PDE1C: variants seen among roughly 807,000 people sequenced by gnomAD.
PDE1C encodes the protein phosphodiesterase 1C, also known as dual specificity calcium/calmodulin-dependent 3',5'-cyclic nucleotide phosphodiesterase 1C.
A neutral mutation model predicts 93.1 loss-of-function variants in PDE1C; 62 were observed. The ratio of observed to expected loss-of-function variants is 0.67; its 90% CI spans 0.54 to 0.82. The LOEUF (loss-of-function observed/expected upper bound fraction) is 0.82. Among genes scored for constraint, PDE1C ranks in the 40% least tolerant of loss-of-function variants. The pLI is 0.00. For missense variants in PDE1C, 742 were observed against 884.6 expected, an observed-to-expected ratio of 0.84 and a Z score of 2.04; for synonymous variants, 325 against 310.1, an observed-to-expected ratio of 1.05 and a Z score of -0.50.
At chr7:32,262,282 G>A (rs935147865) in intron 1 of PDE1C, among the ~76,000 whole-genome samples, 26 of 151,990 alleles carry the variant, frequency 1.7e-4, no homozygotes, top group African/African-American at 6.3e-4. Flanking sequence ...TAAGTCTGTG[G>A]CCCCCTCCTA....
At chr7:31,799,374 A>G (rs1278713858) in intron 16 of PDE1C, among the ~76,000 whole-genome samples, 1 of 151,692 alleles carries the variant, frequency 6.6e-6, no homozygotes, top group Non-Finnish European at 1.5e-5. Flanking sequence ...ATTTTTCAAA[A>G]TATGAACATG....
intron 2 of PDE1C, among the ~76,000 whole-genome samples, chr7:31,889,933 C>A (rs966103536): frequency 1.3e-5 from 2 of 152,264 alleles, no homozygotes; most frequent in Middle Eastern, 3.4e-3. Flanking sequence ...ACCAGTTTAT[C>A]CCCTGTTTTT....
intron 2 of PDE1C, among the ~76,000 whole-genome samples, chr7:31,965,162 G>A (rs990665511): frequency 2.6e-5 from 4 of 152,108 alleles, no homozygotes; most frequent in African/African-American, 9.7e-5. Flanking sequence ...ACTACTCCGA[G>A]CTAAAGGAGG....
At chr7:31,941,853 T>A (rs1805897596) in intron 2 of PDE1C, among the ~76,000 whole-genome samples, 1 of 152,204 alleles carries the variant, frequency 6.6e-6, no homozygotes, top group Non-Finnish European at 1.5e-5. Context: ...CCTATGCTGG[T>A]CAAACAAGAT....
At chr7:32,185,156 A>T (rs191307185) in intron 2 of PDE1C, among the ~76,000 whole-genome samples, 196 of 151,350 alleles carry the variant, frequency 1.3e-3, no homozygotes, top group South Asian at 3.0e-3. Flanking sequence ...AATGCAGGAG[A>T]ATCGCTTGAA....
chr7:32,322,476 T>A (rs554176709), intron 1 of PDE1C, among the ~76,000 whole-genome samples: 1 of 152,060 alleles, frequency 6.6e-6, no homozygotes, highest in African/African-American at 2.4e-5. Context: ...TGGTGGTGCA[T>A]ACCTGTAGTC....
chr7:32,342,555 C>A (rs967903076), intron 1 of PDE1C, among the ~76,000 whole-genome samples: 1 of 151,982 alleles, frequency 6.6e-6, no homozygotes, highest in Admixed American at 6.6e-5. Context: ...CATAATCTTG[C>A]CTTGCTTTTA....
At chr7:31,808,886 T>C (rs1050983145) in intron 16 of PDE1C, 145 bp downstream of exon 16, 1 of 538,514 alleles carries the variant, frequency 1.9e-6, no homozygotes, top group Admixed American at 3.2e-5. Context: ...AAAGGGATAA[T>C]AGTACCCTTT....
chr7:31,700,150 A>G, the PDE1C span, among the ~76,000 whole-genome samples: 1 of 152,214 alleles, frequency 6.6e-6, no homozygotes, highest in African/African-American at 2.4e-5. Context: ...ATAGGCTGAA[A>G]ATTAGGTCTC....
chr7:32,395,427 C>A (rs917577915), intron 1 of PDE1C, among the ~76,000 whole-genome samples: 16 of 151,916 alleles, frequency 1.1e-4, no homozygotes, highest in African/African-American at 3.9e-4. Flanking sequence ...GGCACAAAGG[C>A]ATAAAAAGGG....
intron 1 of PDE1C, among the ~76,000 whole-genome samples, chr7:32,055,743 G>A (rs1344126529): frequency 6.6e-6 from 1 of 152,142 alleles, no homozygotes; most frequent in Admixed American, 6.5e-5. Context: ...GTTTTTGAGA[G>A]GGAATCTCAC....
At position 31,762,197 on chromosome 7, in the gene PDE1C, A is replaced by G. The variant is rs1794874187; in HGVS notation, c.1961-8644T>C. On this transcript the variant is annotated intron_variant, in intron 17 of 17. Coordinates refer to ENST00000396191, the MANE Select transcript of PDE1C (RefSeq NM_001191057.4). Reference sequence around the variant, plus strand: ...AATAAGAGCCTTTCCTTTTGTAGAAATACAATTTAGCAACTTTAACCCAAC... The same window carrying G: ...AATAAGAGCCTTTCCTTTTGTAGAAGTACAATTTAGCAACTTTAACCCAAC... Among the ~76,000 whole-genome samples the G allele has an allele frequency of 2.0e-5, 3 of 152,218 alleles. No homozygotes were observed. The South Asian group carries it at 6.2e-4, about 31-fold the overall frequency.
Position 31,962,704 on chromosome 7 carries a change from C to G in PDE1C, c.129-81844G>C, listed in dbSNP as rs190644305. On this transcript the variant is annotated intron_variant, in intron 2 of 17. Transcript: ENST00000396191. Reference sequence around the variant, plus strand: ...CAGAAATGAAATGGACACAGAACATCACCAAAGTAGCATGAAGGTATCAGA... The same window carrying G: ...CAGAAATGAAATGGACACAGAACATGACCAAAGTAGCATGAAGGTATCAGA... Among the ~76,000 whole-genome samples the G allele has an allele frequency of 2.6e-5, 4 of 152,260 alleles. No individual in the cohort carries two copies. The East Asian group carries it at 7.7e-4, about 29-fold the overall frequency.
At chr7:31,971,176 C>A (rs576460112) in intron 2 of PDE1C, among the ~76,000 whole-genome samples, 80 of 152,220 alleles carry the variant, frequency 5.3e-4, no homozygotes, top group African/African-American at 1.8e-3. Context: ...AGAAAGATGA[C>A]AGAAAGCAGA....
Position 31,896,020 on chromosome 7 carries a change from T to TACATACATACATACAC in PDE1C, c.129-15161_129-15160insGTGTATGTATGTATGT, listed in dbSNP as rs1466998669. 6.4e-3 allele frequency among the ~76,000 whole-genome samples: 968 copies of TACATACATACATACAC among 151,346 alleles called. 8 individuals carry two copies. Among genetic ancestry groups the TACATACATACATACAC allele is most frequent in the African/African-American group, 0.019 (772 of 41,080 alleles). ...ATACATACATACATACATACATACA[T>TACATACATACATACAC]ACACACACAAACACACACACAAACT... On this transcript the variant is annotated intron_variant, in intron 2 of 17. Transcript: ENST00000396191.
chr7:32,284,496 G>A (rs564319356), intron 1 of PDE1C, among the ~76,000 whole-genome samples: 38 of 152,324 alleles, frequency 2.5e-4, no homozygotes, highest in African/African-American at 8.7e-4. Flanking sequence ...ACACAGAAAT[G>A]TCAATGAATT....
chr7:31,944,817 C>T (rs2192385), intron 2 of PDE1C, among the ~76,000 whole-genome samples: 99,122 of 151,994 alleles, frequency 0.65, 32,597 homozygotes, highest in Admixed American at 0.69. Context: ...ATCTAAAAAC[C>T]GTAATGATTA....
At chr7:32,371,687 A>G (rs1303589066) in intron 1 of PDE1C, among the ~76,000 whole-genome samples, 1 of 152,230 alleles carries the variant, frequency 6.6e-6, no homozygotes, top group African/African-American at 2.4e-5. Flanking sequence ...GACAACTACA[A>G]TGCATTGTTG....
chr7:31,761,222 T>C lies in PDE1C; in HGVS notation c.1961-7669A>G, dbSNP rs367550159. On this transcript the variant is annotated intron_variant, in intron 17 of 17. Transcript: ENST00000396191. ...TCCTCCCATATCTAAAATAATCTTG[T>C]ACCAAAATGCAGAGTAAGTTATAAT... Among the ~76,000 whole-genome samples, 3 of 152,298 alleles carry C rather than the reference T, an allele frequency of 2.0e-5. No homozygotes were observed. The East Asian group carries it at 5.8e-4, about 29-fold the overall frequency.
Sources: allele counts gnomAD v4.1 joint callset (sites outside exome capture counted in the v4.1 genomes callset), GRCh38; gene constraint gnomAD v4.1.1; transcripts MANE v1.5; gene names NCBI Gene and HGNC (gene_info 2026-07-23, HGNC 2026-07-21).